Variants in GABRB3 observed in about 807,000 individuals in gnomAD.
The protein encoded by GABRB3 is gamma-aminobutyric acid type A receptor subunit beta3.
In GABRB3, 14 loss-of-function variants were observed where a neutral mutation model predicts 52.1. The observed-to-expected ratio is 0.27, with a 90% confidence interval of 0.18 to 0.42. The LOEUF is 0.42. Among genes scored for constraint, GABRB3 ranks in the 10% least tolerant of loss-of-function variants. The pLI, the probability that GABRB3 is intolerant of heterozygous loss-of-function variation, is 1.00. For synonymous variants in GABRB3, 260 were observed against 232.3 expected (o/e 1.12, Z -1.08); for missense variants, 307 against 609.1 (o/e 0.50, Z 5.22).
At chr15:26,728,211 G>A (rs922130688) in intron 3 of GABRB3, among the ~76,000 whole-genome samples, 7 of 152,138 alleles carry the variant, frequency 4.6e-5, no homozygotes, top group Non-Finnish European at 1.0e-4. Context: ...GCTCACAACT[G>A]TATCAATGAG....
At chr15:26,751,926 A>C (rs1029977489) in intron 3 of GABRB3, among the ~76,000 whole-genome samples, 4 of 152,200 alleles carry the variant, frequency 2.6e-5, no homozygotes, top group African/African-American at 9.6e-5. Flanking sequence ...CTTGGCAAGG[A>C]GGAAACATGG....
rs1891180454 is a variant in GABRB3, at chr15:26,772,580, C to A, written c.172+101G>T. ...GGCGCGGGCGAAGGGCCCCCACTCCCACCCGCCGCTGCTCCGCGGATGCGG... is the reference window on the plus strand; with the variant it reads ...GGCGCGGGCGAAGGGCCCCCACTCCAACCCGCCGCTGCTCCGCGGATGCGG... On this transcript the variant is annotated intron_variant, in intron 2 of 8. Coordinates refer to ENST00000311550, the MANE Select transcript of GABRB3 (RefSeq NM_000814.6). 5 of 1,441,300 alleles carry A rather than the reference C, an allele frequency of 3.5e-6. No homozygotes were observed. The Admixed American group carries it at 8.4e-5, about 24-fold the overall frequency. 89.3% of individuals were successfully genotyped at this position (1,441,300 alleles called of 1,614,324 possible).
At chr15:26,712,940 C>T (rs1021063635) in intron 3 of GABRB3, among the ~76,000 whole-genome samples, 1 of 152,198 alleles carries the variant, frequency 6.6e-6, no homozygotes, top group Non-Finnish European at 1.5e-5. Flanking sequence ...CTGCAGGCTT[C>T]GGAAACTCCG....
At chr15:26,607,985 C>T (rs1380475371) in intron 4 of GABRB3, among the ~76,000 whole-genome samples, 3 of 149,652 alleles carry the variant, frequency 2.0e-5, no homozygotes, top group African/African-American at 7.4e-5. Context: ...GGAACCAAAA[C>T]AAAAAACCCA....
At chr15:26,718,211 TTTATTTA>T (rs1889548418) in intron 3 of GABRB3, among the ~76,000 whole-genome samples, 1 of 152,168 alleles carries the variant, frequency 6.6e-6, no homozygotes, top group Non-Finnish European at 1.5e-5. Flanking sequence ...TATTTATTTA[TTTATTTA>T]TTTTTTTGGG....
intron 3 of GABRB3, among the ~76,000 whole-genome samples, chr15:26,634,419 C>G (rs1460811887): frequency 6.6e-6 from 1 of 152,152 alleles, no homozygotes; most frequent in Non-Finnish European, 1.5e-5. Flanking sequence ...AATCATTCAG[C>G]CACTATGTTC....
At chr15:26,628,693 AAAAAC>A (rs1218736545) in intron 3 of GABRB3, among the ~76,000 whole-genome samples, 6 of 144,670 alleles carry the variant, frequency 4.1e-5, no homozygotes, top group Admixed American at 2.1e-4. Context: ...AAAAAAACAA[AAAAAC>A]AAAACAAAAC....
chr15:26,686,979 C>T (rs568874844), intron 3 of GABRB3, among the ~76,000 whole-genome samples: 3 of 152,368 alleles, frequency 2.0e-5, no homozygotes, highest in East Asian at 3.9e-4. Context: ...TAGATGACCA[C>T]GCAGCCACCC....
At chr15:26,555,333 T>C (rs1889712590) in intron 8 of GABRB3, among the ~76,000 whole-genome samples, 1 of 152,074 alleles carries the variant, frequency 6.6e-6, no homozygotes. Context: ...ATCATGTAGG[T>C]GGGGACTTCA....
intron 8 of GABRB3, among the ~76,000 whole-genome samples, chr15:26,557,049 C>A (rs543518708): frequency 1.3e-5 from 2 of 152,146 alleles, no homozygotes; most frequent in African/African-American, 4.8e-5. Flanking sequence ...GAACAGTGGA[C>A]CGGATAAAGA....
chr15:26,587,816 C>G (rs1566761001), intron 4 of GABRB3, among the ~76,000 whole-genome samples: 1 of 152,084 alleles, frequency 6.6e-6, no homozygotes, highest in Non-Finnish European at 1.5e-5. Context: ...TATATTTTCC[C>G]TAATAAATAT....
chr15:26,721,586 T>C (rs1037636729), intron 3 of GABRB3, among the ~76,000 whole-genome samples: 1 of 151,730 alleles, frequency 6.6e-6, no homozygotes, highest in Non-Finnish European at 1.5e-5. Context: ...TGCATTAATC[T>C]TCTGCTTGTT....
chr15:26,698,756 G>C (rs967753331), intron 3 of GABRB3, among the ~76,000 whole-genome samples: 3 of 152,072 alleles, frequency 2.0e-5, no homozygotes, highest in Non-Finnish European at 4.4e-5. Flanking sequence ...CTCCCGCCTG[G>C]CTTGTGTTCA....
Position 26,621,913 on chromosome 15 carries a change from C to CT in GABRB3, c.241-380dup, listed in dbSNP as rs766468568. On this transcript the variant is annotated intron_variant, in intron 3 of 8. Coordinates refer to ENST00000311550, the MANE Select transcript of GABRB3 (RefSeq NM_000814.6). This position sits in a 1 kb window ranked among gnomAD's most constrained non-coding sequence, Gnocchi z 4.1. ...CTCTTTCCCACCAGGCAGACAGGTG[C>CT]TTTAACAACCTACAACAGATGAGCT... Among the ~76,000 whole-genome samples the CT allele has an allele frequency of 1.1e-4, 16 of 151,574 alleles. No individual in the cohort carries two copies. Among genetic ancestry groups the CT allele is most frequent in the Non-Finnish European group, 1.9e-4 (13 of 67,904 alleles).
intron 8 of GABRB3, among the ~76,000 whole-genome samples, chr15:26,560,377 G>A (rs1271895383): frequency 6.6e-6 from 1 of 152,156 alleles, no homozygotes; most frequent in East Asian, 1.9e-4. Context: ...GCTCCATGTT[G>A]ACCCTCTCCC....
intron 8 of GABRB3, among the ~76,000 whole-genome samples, chr15:26,551,613 G>A (rs1252577470): frequency 1.3e-5 from 2 of 152,186 alleles, no homozygotes; most frequent in South Asian, 2.1e-4. Context: ...TAGCAGGAGC[G>A]TCCACACTGC....
intron 3 of GABRB3, among the ~76,000 whole-genome samples, chr15:26,662,634 T>C (rs1229608674): frequency 6.6e-6 from 1 of 152,212 alleles, no homozygotes; most frequent in East Asian, 1.9e-4. Context: ...CCCACAACCC[T>C]GGTCCTTGCA....
At chr15:26,549,726 A>T (rs1411104994) in intron 8 of GABRB3, among the ~76,000 whole-genome samples, 1 of 152,126 alleles carries the variant, frequency 6.6e-6, no homozygotes, top group African/African-American at 2.4e-5. Context: ...AGGATCCAGC[A>T]TCCAATCAGA....
At chr15:26,572,391 G>A (rs1031390538) in intron 6 of GABRB3, among the ~76,000 whole-genome samples, 3 of 152,204 alleles carry the variant, frequency 2.0e-5, no homozygotes, top group African/African-American at 7.2e-5. Flanking sequence ...TTCAGGCAGG[G>A]ATGAAGGAGA....
Sources: allele counts gnomAD v4.1 joint callset (sites outside exome capture counted in the v4.1 genomes callset), GRCh38; gene constraint gnomAD v4.1.1; non-coding constraint Gnocchi (gnomAD v3.1); transcripts MANE v1.5; gene names NCBI Gene and HGNC (gene_info 2026-07-23, HGNC 2026-07-21).